Variants in C4orf54 observed in about 807,000 individuals in gnomAD.
The protein encoded by C4orf54 is chromosome 4 open reading frame 54.
Under a neutral mutation model 80.1 loss-of-function variants are expected in C4orf54, and 67 were observed. The observed-to-expected ratio is 0.84, with a 90% confidence interval of 0.69 to 1.03. The LOEUF is 1.03. C4orf54 is among the 50% of genes least tolerant of loss of function. The pLI, the probability that C4orf54 is intolerant of heterozygous loss-of-function variation, is 0.00. For missense variants in C4orf54, 2,434 were observed against 2,253.5 expected (o/e 1.08, Z -1.62); for synonymous variants, 1,000 against 917.0 (o/e 1.09, Z -1.64).
At position 99,638,382 on chromosome 4, in the gene C4orf54, A is replaced by G. The variant is rs1726547782; in HGVS notation, c.*2851T>C. 1 of 152,112 alleles carries G rather than the reference A, an allele frequency of 6.6e-6. No homozygotes were observed. The highest frequency in any genetic ancestry group is 2.4e-5 in the African/African-American group (1 of 41,428). The allele number at this position is 152,112 out of a possible 1,614,324, so 9.4% of individuals were successfully genotyped here. ...GTTTTCCAGAAATGATTGAAATGGG[A>G]CATATTTCAAATATGACCATTTTAT... On this transcript the variant is annotated 3_prime_UTR_variant, in exon 3 of 3. Transcript: ENST00000511828.
Position 99,653,738 on chromosome 4 carries a change from C to G in C4orf54, c.911G>C (p.Gly304Ala), listed in dbSNP as rs1441702759. The G allele has an allele frequency of 3.3e-6, 5 of 1,535,548 alleles. No individual in the cohort carries two copies. The highest frequency in any genetic ancestry group is 2.0e-5 in the Admixed American group (1 of 50,946). ...GALATSSSSLGFESESGESEG... is the reference protein window; with the variant it reads ...GALATSSSSLAFESESGESEG... ...ACTTTCACCACTCTCACTCTCGAAG[C>G]CTAAGGATGAAGAGGAGGTGGCCAG... The change falls in exon 2 of 3, where the codon GGC (glycine) becomes GCC (alanine). Residue 304 changes from glycine (G) to alanine (A), a missense_variant. By Grantham distance (60) the Gly-to-Ala change is moderately conservative. Transcript: ENST00000511828.
intron 2 of C4orf54, among the ~76,000 whole-genome samples, chr4:99,647,029 G>T (rs781694674): frequency 6.6e-5 from 10 of 152,168 alleles, no homozygotes; most frequent in Non-Finnish European, 1.0e-4. Context: ...CTGCCAGCCA[G>T]ATTTGGCCTT....
chr4:99,645,023 G>T (rs549381635), intron 2 of C4orf54, among the ~76,000 whole-genome samples: 1 of 151,856 alleles, frequency 6.6e-6, no homozygotes, highest in Non-Finnish European at 1.5e-5. Context: ...AGAAGAAGGC[G>T]CCTGTGTACC....
chr4:99,650,436 T>C lies in C4orf54; in HGVS notation c.4213A>G (p.Ile1405Val). 1 of 1,536,032 alleles carries C rather than the reference T, an allele frequency of 6.5e-7. No individual in the cohort carries two copies. The highest frequency in any genetic ancestry group is 8.7e-7 in the Non-Finnish European group (1 of 1,146,872). The change falls in exon 2 of 3, where the codon ATC (isoleucine) becomes GTC (valine). Residue 1405 changes from isoleucine (I) to valine (V), a missense_variant. Ile to Val is a conservative substitution (Grantham distance 29, BLOSUM62 3). Transcript: ENST00000511828. ...CCAGCGACACCCCCAGTTTTCTGGA[T>C]GCTGCTGGCACTCACTGTGAACACG... ...RNVFTVSASS[I>V]QKTGGVAGKF...
At chr4:99,648,192 G>C (rs1040421050) in intron 2 of C4orf54, among the ~76,000 whole-genome samples, 1 of 151,900 alleles carries the variant, frequency 6.6e-6, no homozygotes, top group East Asian at 1.9e-4. Context: ...ACACCTTTAC[G>C]CTCCTATCTG....
Position 99,650,154 on chromosome 4 carries a change from A to C in C4orf54, c.4495T>G (p.Ser1499Ala). ...GGTAAACTACAGAGAGTGGCAGCTG[A>C]GGAGTTGGGGGGCCCCTCCCTGGAA... ...GASREGPPNS[S>A]AATLCSLPPL... The change falls in exon 2 of 3, where the codon TCA (serine) becomes GCA (alanine). Residue 1499 changes from serine (S) to alanine (A), a missense_variant. Physicochemically the swap from Ser to Ala is moderately conservative, Grantham distance 99. Coordinates refer to ENST00000511828, the MANE Select transcript of C4orf54 (RefSeq NM_001354435.2). 6.5e-7 allele frequency: 1 copy of C among 1,535,720 alleles called. No individual in the cohort carries two copies. The highest frequency in any genetic ancestry group is 8.7e-7 in the Non-Finnish European group (1 of 1,146,794).
In C4orf54 at chr4:99,650,026, C is replaced by G; in HGVS notation, c.4623G>C (p.Glu1541Asp). 6.5e-7 allele frequency: 1 copy of G among 1,535,652 alleles called. No individual in the cohort carries two copies. Among genetic ancestry groups the G allele is most frequent in the East Asian group, 2.4e-5 (1 of 40,890 alleles). ...AWRTKPDNPR[E>D]TVAAPPGPQS... ...GTGGCCCTGGGGGGGCAGCTACTGT[C>G]TCCCGGGGGTTGTCAGGTTTGGTAC... Residue 1541 changes from glutamate (E) to aspartate (D), a missense_variant, in exon 2 of 3, where the codon GAG becomes GAC. Glu to Asp is a conservative substitution (Grantham distance 45). Transcript: ENST00000511828.
rs1165943110 is a variant in C4orf54 at position 99,652,643 on chromosome 4, C to T, written c.2006G>A (p.Cys669Tyr). The change falls in exon 2 of 3, where the codon TGT (cysteine) becomes TAT (tyrosine). Residue 669 changes from cysteine (C) to tyrosine (Y), a missense_variant. By Grantham distance (194) the Cys-to-Tyr change is radical. Coordinates refer to ENST00000511828, the MANE Select transcript of C4orf54 (RefSeq NM_001354435.2). ...GRWSTFLDLKCGGVGARVEQS... is the reference protein window; with the variant it reads ...GRWSTFLDLKYGGVGARVEQS... ...CTCCACCCTGGCCCCAACACCCCCA[C>T]ATTTTAAGTCCAGGAAAGTTGACCA... 2.0e-6 allele frequency: 3 copies of T among 1,535,952 alleles called. No homozygotes were observed. Among genetic ancestry groups the T allele is most frequent in the African/African-American group, 2.7e-5 (2 of 73,034 alleles).
chr4:99,655,806 A>G (rs1726970130), intron 1 of C4orf54, among the ~76,000 whole-genome samples: 1 of 152,186 alleles, frequency 6.6e-6, no homozygotes, highest in South Asian at 2.1e-4. Flanking sequence ...ACCACTATAC[A>G]TAGTCTATGT....
In C4orf54 at chr4:99,638,956, T is replaced by C. The variant is rs1299474490; in HGVS notation, c.*2277A>G. The C allele has an allele frequency of 6.6e-6, 1 of 152,184 alleles. No homozygotes were observed. The highest frequency in any genetic ancestry group is 2.4e-5 in the African/African-American group (1 of 41,476). The allele number at this position is 152,184 out of a possible 1,614,324, so 9.4% of individuals were successfully genotyped here. On this transcript the variant is annotated 3_prime_UTR_variant, in exon 3 of 3. Coordinates refer to ENST00000511828, the MANE Select transcript of C4orf54 (RefSeq NM_001354435.2). ...AAGCCTCTTGTATAGAACAAACAAATGAAAAGCTTTTTCTTTCTTTCCTTA... is the reference window on the plus strand; with the variant it reads ...AAGCCTCTTGTATAGAACAAACAAACGAAAAGCTTTTTCTTTCTTTCCTTA...
At position 99,650,648 on chromosome 4, in the gene C4orf54, C is replaced by T. The variant is rs545662792; in HGVS notation, c.4001G>A (p.Gly1334Glu). The change falls in exon 2 of 3, where the codon GGG becomes GAG. Residue 1334 changes from glycine to glutamate, a missense_variant. Physicochemically the swap from Gly to Glu is moderately conservative, Grantham distance 98 (BLOSUM62 -2). Transcript: ENST00000511828. ...CCGCTGCAGACGTTCTATGGGGGCC[C>T]CTCGCAGGACCACACCAGCTTTGTT... ...TGNKAGVVLR[G>E]APIERLQRRN... 2.3e-3 allele frequency: 3,517 copies of T among 1,536,086 alleles called. 6 individuals carry two copies. The highest frequency in any genetic ancestry group is 2.9e-3 in the Non-Finnish European group (3,309 of 1,146,894).
Position 99,637,182 on chromosome 4 carries a change from T to TA in C4orf54, c.*4050dup, listed in dbSNP as rs1165187228. On this transcript the variant is annotated 3_prime_UTR_variant, in exon 3 of 3. Coordinates refer to ENST00000511828, the MANE Select transcript of C4orf54 (RefSeq NM_001354435.2). Reference sequence around the variant, plus strand: ...AGCCATAAAAAGCAATTATGAAACTTAAAAAAAGAAAAAGAAATCAAATCA... The same window carrying TA: ...AGCCATAAAAAGCAATTATGAAACTTAAAAAAAAGAAAAAGAAATCAAATCA... 1.3e-5 allele frequency: 2 copies of TA among 152,042 alleles called. No homozygotes were observed. The highest frequency in any genetic ancestry group is 4.8e-5 in the African/African-American group (2 of 41,402). The allele number at this position is 152,042 out of a possible 1,614,324, so 9.4% of individuals were successfully genotyped here.
chr4:99,648,233 C>T (rs1726733176), intron 2 of C4orf54, among the ~76,000 whole-genome samples: 1 of 152,064 alleles, frequency 6.6e-6, no homozygotes, highest in South Asian at 2.1e-4. Context: ...TGTGTTTGAC[C>T]TGAAGTGTCC....
At chr4:99,648,100 C>T (rs112037268) in intron 2 of C4orf54, among the ~76,000 whole-genome samples, 1 of 149,232 alleles carries the variant, frequency 6.7e-6, no homozygotes, top group African/African-American at 2.5e-5. Context: ...ACTGAAAGTC[C>T]TAGAAGCTTT....
chr4:99,652,474 C>A lies in C4orf54; in HGVS notation c.2175G>T (p.Glu725Asp), dbSNP rs565917055. ...KALEFVVSKV[E>D]GEIKHVETPL... is the part of the protein sequence containing the mutation. Reference sequence around the variant, plus strand: ...GCGTCTCCACATGTTTGATTTCCCCCTCGACTTTGCTGACCACGAACTCCA... The same window carrying A: ...GCGTCTCCACATGTTTGATTTCCCCATCGACTTTGCTGACCACGAACTCCA... Residue 725 changes from glutamate to aspartate, a missense_variant, in exon 2 of 3, where the codon GAG becomes GAT. By Grantham distance (45) the Glu-to-Asp change is conservative. Transcript: ENST00000511828. The A allele has an allele frequency of 2.8e-4, 437 of 1,535,828 alleles. No individual in the cohort carries two copies. Among genetic ancestry groups the A allele is most frequent in the South Asian group, 3.3e-4 (28 of 84,038 alleles).
Position 99,640,698 on chromosome 4 carries a change from T to C in C4orf54, c.*535A>G, listed in dbSNP as rs973100243. The C allele has an allele frequency of 3.3e-5, 5 of 152,170 alleles. No homozygotes were observed. Among genetic ancestry groups the C allele is most frequent in the African/African-American group, 9.7e-5 (4 of 41,440 alleles). The allele number at this position is 152,170 out of a possible 1,614,324, so 9.4% of individuals were successfully genotyped here. On this transcript the variant is annotated 3_prime_UTR_variant, in exon 3 of 3. Coordinates refer to ENST00000511828, the MANE Select transcript of C4orf54 (RefSeq NM_001354435.2). ...CAAGAGAATGGGTAGGTTTGGCTGA[T>C]ATATGATTCAAAGAGCAGACCATCA...
rs1387170331 is a variant in C4orf54, at chr4:99,650,321, G to A, written c.4328C>T (p.Ala1443Val). 1 of 1,536,120 alleles carries A rather than the reference G, an allele frequency of 6.5e-7. No homozygotes were observed. The highest frequency in any genetic ancestry group is 8.7e-7 in the Non-Finnish European group (1 of 1,146,906). Residue 1443 changes from alanine (A) to valine (V), a missense_variant, in exon 2 of 3, where the codon GCC becomes GTC. By Grantham distance (64) the Ala-to-Val change is moderately conservative. Transcript: ENST00000511828. ...QGLRSLKISPATRAPPDEVTN... is the reference protein window; with the variant it reads ...QGLRSLKISPVTRAPPDEVTN... ...CACCTCATCAGGAGGTGCCCGGGTG[G>A]CTGGAGAGATCTTGAGGGACCGGAG...
At position 99,653,573 on chromosome 4, in the gene C4orf54, G is replaced by T; in HGVS notation, c.1076C>A (p.Pro359His). 6.5e-7 allele frequency: 1 copy of T among 1,535,964 alleles called. No individual in the cohort carries two copies. The highest frequency in any genetic ancestry group is 1.2e-5 in the South Asian group (1 of 84,054). The change falls in exon 2 of 3, where the codon CCC becomes CAC. Residue 359 changes from proline (P) to histidine (H), a missense_variant. Physicochemically the swap from Pro to His is moderately conservative, Grantham distance 77 (BLOSUM62 -2). Coordinates refer to ENST00000511828, the MANE Select transcript of C4orf54 (RefSeq NM_001354435.2). ...GTAGTGAGCCTCTTCGACTTTGGGG[G>T]GGTCCCTGCTGCCCTGGGACTTGGC... ...IIAKSQGSRD[P>H]PKVEEAHYIT...
At position 99,651,805 on chromosome 4, in the gene C4orf54, C is replaced by A. The variant is rs1342433460; in HGVS notation, c.2844G>T (p.Lys948Asn). The A allele has an allele frequency of 3.3e-6, 5 of 1,536,120 alleles. No individual in the cohort carries two copies. Among genetic ancestry groups the A allele is most frequent in the Non-Finnish European group, 4.4e-6 (5 of 1,146,896 alleles). The change falls in exon 2 of 3, where the codon AAG (lysine) becomes AAT (asparagine). Residue 948 changes from lysine to asparagine, a missense_variant. Physicochemically the swap from Lys to Asn is moderately conservative, Grantham distance 94 (BLOSUM62 0). Coordinates refer to ENST00000511828, the MANE Select transcript of C4orf54 (RefSeq NM_001354435.2). Reference sequence around the variant, plus strand: ...CCTCCCTCTTCTCGGCCTCTTTCTCCTTCCATGACCGGAACGCACTGTTCT... The same window carrying A: ...CCTCCCTCTTCTCGGCCTCTTTCTCATTCCATGACCGGAACGCACTGTTCT... The part of the protein sequence containing the change: ...RSQNSAFRSW[K>N]EKEAEKREEQ...
Sources: gnomAD v4.1 joint callset for allele counts (sites outside exome capture counted in the v4.1 genomes callset) on GRCh38, gnomAD v4.1.1 for gene constraint, MANE v1.5 for transcripts, NCBI Gene and HGNC (gene_info 2026-07-23, HGNC 2026-07-21) for gene names.